MC2R: variants seen among roughly 807,000 people sequenced by gnomAD.
The protein encoded by MC2R is adrenocorticotropic hormone receptor.
A neutral mutation model predicts 9.8 loss-of-function variants in MC2R; 9 were observed. The observed-to-expected ratio is 0.92, with a 90% CI of 0.55 to 1.60. The LOEUF is 1.60. Ranked by LOEUF, MC2R falls within the 40% of genes most tolerant of loss-of-function variation. MC2R has a pLI of 0.00. For synonymous variants in MC2R, 185 were observed against 154.7 expected (o/e 1.20, Z -1.45); for missense variants, 370 against 389.0 (o/e 0.95, Z 0.41).
chr18:13,891,620 AT>A (rs2045316149), intron 1 of MC2R, among the ~76,000 whole-genome samples: 1 of 152,178 alleles, frequency 6.6e-6, no homozygotes, highest in South Asian at 2.1e-4. Flanking sequence ...GCCAATACAC[AT>A]CTGGGGACTG....
rs147349071 is a variant in MC2R at position 13,888,391 on chromosome 18, C to A, written c.-128-2745G>T. Among the ~76,000 whole-genome samples the A allele has an allele frequency of 2.6e-5, 4 of 152,268 alleles. No homozygotes were observed. The East Asian group carries it at 7.7e-4, about 29-fold the overall frequency. ...ATTCTTGGTTGAAGGGCCAGTGACACGAATTGGTGGCCTTTATGAGTGCTC... is the reference window on the plus strand; with the variant it reads ...ATTCTTGGTTGAAGGGCCAGTGACAAGAATTGGTGGCCTTTATGAGTGCTC... On this transcript the variant is annotated intron_variant, in intron 1 of 1. Coordinates refer to ENST00000327606, the MANE Select transcript of MC2R (RefSeq NM_000529.2).
chr18:13,893,828 G>C (rs555934781), intron 1 of MC2R, among the ~76,000 whole-genome samples: 10 of 152,348 alleles, frequency 6.6e-5, no homozygotes, highest in African/African-American at 2.2e-4. Context: ...TGAGTCTGCA[G>C]ATATTCAGCT....
At chr18:13,904,218 C>CA (rs71174201) in intron 1 of MC2R, among the ~76,000 whole-genome samples, 83,752 of 144,300 alleles carry the variant, frequency 0.58, 28,743 homozygotes, top group Non-Finnish European at 0.77. Context: ...ACTAAAAATA[C>CA]AAAAAAAAAA....
intron 1 of MC2R, among the ~76,000 whole-genome samples, chr18:13,899,974 T>C (rs928187233): frequency 6.6e-6 from 1 of 152,150 alleles, no homozygotes. Context: ...CATAACACTG[T>C]AACTGTGCTG....
intron 1 of MC2R, among the ~76,000 whole-genome samples, chr18:13,900,840 C>CA (rs578126236): frequency 2.1e-3 from 327 of 152,170 alleles, no homozygotes; most frequent in African/African-American, 7.6e-3. Context: ...GACAGATCTT[C>CA]AAGGCAGAAA....
At chr18:13,898,747 C>G (rs2045361678) in intron 1 of MC2R, among the ~76,000 whole-genome samples, 1 of 152,242 alleles carries the variant, frequency 6.6e-6, no homozygotes, top group Admixed American at 6.5e-5. Context: ...CCAGATAATT[C>G]TCCTGGATCT....
chr18:13,909,702 G>A (rs2045433653), intron 1 of MC2R, among the ~76,000 whole-genome samples: 1 of 152,116 alleles, frequency 6.6e-6, no homozygotes, highest in Admixed American at 6.5e-5. Flanking sequence ...CTCTCAGTTG[G>A]CACCTGTGTC....
rs2149134502 is a variant in MC2R at position 13,883,895 on chromosome 18, G to A, written c.*730C>T. ...ACAGGAAAGGGTTTTAAGGCCAGTG[G>A]GATACTGAGTGAGCAAAGAAGACTA... On this transcript the variant is annotated 3_prime_UTR_variant, in exon 2 of 2. Transcript: ENST00000327606. 1 of 153,356 alleles carries A rather than the reference G, an allele frequency of 6.5e-6. No individual in the cohort carries two copies. The highest frequency in any genetic ancestry group is 3.4e-3 in the Middle Eastern group (1 of 294). The allele number at this position is 153,356 out of a possible 1,614,324, so 9.5% of individuals were successfully genotyped here.
chr18:13,897,229 G>A (rs2045351042), intron 1 of MC2R, among the ~76,000 whole-genome samples: 1 of 152,154 alleles, frequency 6.6e-6, no homozygotes, highest in Non-Finnish European at 1.5e-5. Context: ...CAGCAATTGT[G>A]AAACATTGAA....
At chr18:13,894,252 T>A (rs2045333850) in intron 1 of MC2R, among the ~76,000 whole-genome samples, 1 of 152,184 alleles carries the variant, frequency 6.6e-6, no homozygotes, top group Non-Finnish European at 1.5e-5. Flanking sequence ...TTAATTTTCT[T>A]TTCTATTTCT....
intron 1 of MC2R, among the ~76,000 whole-genome samples, chr18:13,886,543 T>G (rs1008305473): frequency 2.0e-5 from 3 of 152,214 alleles, no homozygotes; most frequent in African/African-American, 7.2e-5. Context: ...AGTCCATTCC[T>G]TCTCACTGCT....
intron 1 of MC2R, among the ~76,000 whole-genome samples, chr18:13,904,054 C>T (rs544480255): frequency 8.6e-5 from 13 of 151,360 alleles, no homozygotes; most frequent in African/African-American, 1.9e-4. Context: ...CTTCTTCCAA[C>T]GAAATAAACC....
At position 13,890,830 on chromosome 18, in the gene MC2R, A is replaced by G. The variant is rs192973004; in HGVS notation, c.-128-5184T>C. Among the ~76,000 whole-genome samples, 3 of 152,290 alleles carry G rather than the reference A, an allele frequency of 2.0e-5. No homozygotes were observed. In the East Asian group the frequency reaches 5.8e-4, roughly 29 times the overall value. On this transcript the variant is annotated intron_variant, in intron 1 of 1. Transcript: ENST00000327606. ...TTTCTTTATGCATACACCAGCAAAC[A>G]TGAATATCCATGTCTTCTCTCAGTC...
In MC2R at chr18:13,898,988, C is replaced by A. The variant is rs184349893; in HGVS notation, c.-128-13342G>T. 5.1e-4 allele frequency among the ~76,000 whole-genome samples: 77 copies of A among 152,288 alleles called. 1 individual carries two copies. The East Asian group carries it at 0.015, about 29-fold the overall frequency. On this transcript the variant is annotated intron_variant, in intron 1 of 1. Transcript: ENST00000327606. ...GATGAACATCAACTAGCATTGCCAT[C>A]ATCCAGGAAAATATGACCTTGCCAA...
chr18:13,907,148 A>T (rs2045418675), intron 1 of MC2R, among the ~76,000 whole-genome samples: 1 of 152,244 alleles, frequency 6.6e-6, no homozygotes. Context: ...TAACAACATC[A>T]GCACGGCATC....
chr18:13,908,850 A>C (rs2045428839), intron 1 of MC2R, among the ~76,000 whole-genome samples: 1 of 152,078 alleles, frequency 6.6e-6, no homozygotes, highest in African/African-American at 2.4e-5. Context: ...TTATTTTAGA[A>C]CAGTTTTAAA....
intron 1 of MC2R, among the ~76,000 whole-genome samples, chr18:13,905,547 T>C (rs966663819): frequency 3.3e-5 from 5 of 151,070 alleles, no homozygotes; most frequent in African/African-American, 9.7e-5. Context: ...CACAACGAGA[T>C]ACCATCTCAT....
chr18:13,898,380 T>G (rs1411237634), intron 1 of MC2R, among the ~76,000 whole-genome samples: 1 of 152,206 alleles, frequency 6.6e-6, no homozygotes, highest in Admixed American at 6.5e-5. Flanking sequence ...GGTAGACTTC[T>G]AAGGTTTGTC....
chr18:13,915,187 G>GA (rs1234712049), intron 1 of MC2R, among the ~76,000 whole-genome samples: 1 of 152,158 alleles, frequency 6.6e-6, no homozygotes, highest in Non-Finnish European at 1.5e-5. Context: ...ATTCTATTAG[G>GA]AAAAAACTGG....
Sources: allele counts gnomAD v4.1 joint callset (sites outside exome capture counted in the v4.1 genomes callset), GRCh38; gene constraint gnomAD v4.1.1; transcripts MANE v1.5; gene names NCBI Gene and HGNC (gene_info 2026-07-23, HGNC 2026-07-21).